IMPG1: variants seen among roughly 807,000 people sequenced by gnomAD.
IMPG1 encodes interphotoreceptor matrix proteoglycan of 150 kDa.
A neutral mutation model predicts 92.0 loss-of-function variants in IMPG1; 85 were observed. That is an observed-to-expected ratio of 0.92 (90% CI 0.78 to 1.11). The LOEUF (loss-of-function observed/expected upper bound fraction) is 1.11, where lower values mean the gene tolerates loss of function less well. IMPG1 is among the 50% of genes least tolerant of loss of function. IMPG1 has a pLI of 0.00. For missense variants in IMPG1, 1,022 were observed against 956.0 expected, an observed-to-expected ratio of 1.07 and a Z score of -0.91; for synonymous variants, 367 against 334.1, an observed-to-expected ratio of 1.10 and a Z score of -1.08.
In IMPG1 at chr6:76,011,215, T is replaced by C. The variant is rs910322868; in HGVS notation, c.817A>G (p.Ile273Val). The part of the protein sequence containing the change: ...AGKSQLQMQK[I>V]FKKLPGFKKI... ...TTGAATCCTGGAAGTTTCTTAAATA[T>C]CTTTTGCATCTGCAGAGAGAAAGAA... Residue 273 changes from isoleucine to valine, a missense_variant, in exon 8 of 17, where the codon ATA becomes GTA. Physicochemically the swap from Ile to Val is conservative, Grantham distance 29. Coordinates refer to ENST00000369950, the MANE Select transcript of IMPG1 (RefSeq NM_001563.4). 5.2e-6 allele frequency: 8 copies of C among 1,541,672 alleles called. No individual in the cohort carries two copies. The highest frequency in any genetic ancestry group is 1.7e-5 in the Admixed American group (1 of 59,628).
At chr6:75,997,738 A>G (rs1223907576) in intron 12 of IMPG1, among the ~76,000 whole-genome samples, 1 of 152,194 alleles carries the variant, frequency 6.6e-6, no homozygotes, top group Admixed American at 6.5e-5. Context: ...CTGCAATTAT[A>G]TGCCAGCCAC....
intron 12 of IMPG1, among the ~76,000 whole-genome samples, chr6:75,952,254 C>T (rs771461509): frequency 6.6e-6 from 1 of 152,076 alleles, no homozygotes; most frequent in Non-Finnish European, 1.5e-5. Context: ...TCTTCAGTGG[C>T]CTTTTGGCAA....
At chr6:76,057,010 C>G (rs114544165) in intron 1 of IMPG1, among the ~76,000 whole-genome samples, 1 of 152,070 alleles carries the variant, frequency 6.6e-6, no homozygotes. Flanking sequence ...ATGGATAGAG[C>G]TAGAATCCAT....
chr6:76,062,948 A>G lies in IMPG1; in HGVS notation c.67+9474T>C, dbSNP rs57664220. 1.2e-3 allele frequency among the ~76,000 whole-genome samples: 189 copies of G among 151,664 alleles called. 1 individual carries two copies. Among genetic ancestry groups the G allele is most frequent in the African/African-American group, 4.3e-3 (179 of 41,320 alleles). On this transcript the variant is annotated intron_variant, in intron 1 of 16. Transcript: ENST00000369950. ...AAGACTTGGGGTGGCTCACGCCTGT[A>G]ATCCCAGCACTTTAGGAGGCCGAGG...
chr6:76,070,584 G>C (rs1198803900), intron 1 of IMPG1, among the ~76,000 whole-genome samples: 5 of 152,086 alleles, frequency 3.3e-5, no homozygotes, highest in East Asian at 3.8e-4. Flanking sequence ...GTTAACTAAT[G>C]AATGAATAAA....
intron 1 of IMPG1, among the ~76,000 whole-genome samples, chr6:76,053,095 C>A (rs908129276): frequency 2.0e-5 from 3 of 152,196 alleles, no homozygotes; most frequent in African/African-American, 7.2e-5. Flanking sequence ...GTTCCACTAA[C>A]CTTTTTTACT....
rs774270582 is a variant in IMPG1, at chr6:76,018,747, G to A, written c.778C>T (p.Gln260Ter). Residue 260 changes from glutamine to a stop codon, truncating the protein, a stop_gained, in exon 7 of 17, where the codon CAG becomes TAG. Transcript: ENST00000369950. LOFTEE classifies it high-confidence loss of function. ...ELADSQSPYY[Q>*]ELAGKSQLQM... ...AGTTGGGACTTTCCTGCTAGCTCCTGGTAATATGGGGACTGGGAGTCAGCG... is the reference window on the plus strand; with the variant it reads ...AGTTGGGACTTTCCTGCTAGCTCCTAGTAATATGGGGACTGGGAGTCAGCG... The A allele has an allele frequency of 6.2e-7, 1 of 1,613,150 alleles. No individual in the cohort carries two copies. The highest frequency in any genetic ancestry group is 8.5e-7 in the Non-Finnish European group (1 of 1,179,608).
chr6:75,932,548 G>T (rs1258302498), intron 14 of IMPG1, among the ~76,000 whole-genome samples: 1 of 152,138 alleles, frequency 6.6e-6, no homozygotes, highest in Non-Finnish European at 1.5e-5. Flanking sequence ...GAAAAGATTG[G>T]CTCTATGATA....
In IMPG1 at chr6:76,041,883, C is replaced by G; in HGVS notation, c.301+10G>C. 2 of 1,553,278 alleles carry G rather than the reference C, an allele frequency of 1.3e-6. No homozygotes were observed. The highest frequency in any genetic ancestry group is 1.8e-6 in the Non-Finnish European group (2 of 1,124,568). ...AACACAAGGCTAAACGGTTTCATCT[C>G]TTTCCTTACCTCTCAATCTATAATA... On this transcript the variant is annotated intron_variant, in intron 2 of 16. Transcript: ENST00000369950.
chr6:76,049,620 C>T (rs1206393272), intron 1 of IMPG1, among the ~76,000 whole-genome samples: 5 of 152,220 alleles, frequency 3.3e-5, no homozygotes, highest in African/African-American at 1.2e-4. Flanking sequence ...TAAACTAAAA[C>T]TCCACTGATC....
intron 12 of IMPG1, among the ~76,000 whole-genome samples, chr6:75,986,376 T>A (rs1782718159): frequency 6.6e-6 from 1 of 151,860 alleles, no homozygotes; most frequent in Admixed American, 6.6e-5. Flanking sequence ...GAAAAAAAAA[T>A]CCCACTATGG....
intron 13 of IMPG1, among the ~76,000 whole-genome samples, chr6:75,949,883 A>G (rs530924280): frequency 6.6e-6 from 1 of 152,330 alleles, no homozygotes; most frequent in African/African-American, 2.4e-5. Flanking sequence ...ACATTCTGCC[A>G]TCTGTGTGAT....
intron 12 of IMPG1, among the ~76,000 whole-genome samples, chr6:75,971,476 A>AT (rs1782414830): frequency 3.4e-5 from 5 of 144,948 alleles, no homozygotes; most frequent in Non-Finnish European, 1.5e-5. Context: ...AATAATAATA[A>AT]AAAAAAATCA....
intron 12 of IMPG1, among the ~76,000 whole-genome samples, chr6:75,982,361 T>A (rs1179571914): frequency 6.6e-6 from 1 of 151,908 alleles, no homozygotes; most frequent in Non-Finnish European, 1.5e-5. Context: ...GCCAGCATAG[T>A]GAAACTCTGT....
At chr6:76,017,084 C>T (rs1264133175) in intron 7 of IMPG1, among the ~76,000 whole-genome samples, 1 of 150,702 alleles carries the variant, frequency 6.6e-6, no homozygotes, top group East Asian at 2.0e-4. Flanking sequence ...CTAGACAGAG[C>T]AGACAGCACA....
chr6:75,946,725 C>T (rs1364564727), intron 14 of IMPG1, among the ~76,000 whole-genome samples: 1 of 152,182 alleles, frequency 6.6e-6, no homozygotes, highest in East Asian at 1.9e-4. Context: ...TTAATCTTCA[C>T]ATGGAAGCTG....
chr6:76,029,768 C>T (rs1010840319), intron 4 of IMPG1, among the ~76,000 whole-genome samples: 1 of 152,094 alleles, frequency 6.6e-6, no homozygotes, highest in Admixed American at 6.6e-5. Flanking sequence ...GGGAACTAAC[C>T]AAAGCCAAGC....
rs149632228 is a variant in IMPG1, at chr6:75,945,552, T to A, written c.2044+1762A>T. Among the ~76,000 whole-genome samples the A allele has an allele frequency of 8.2e-3, 1,249 of 152,264 alleles. 75 individuals are homozygous for A. The East Asian group carries it at 0.17, about 21-fold the overall frequency. Reference sequence around the variant, plus strand: ...TTTTAGTAGAGACAGGGTTTTGCCATTTTGGCCAGGCTGATTTCGAACTCC... The same window carrying A: ...TTTTAGTAGAGACAGGGTTTTGCCAATTTGGCCAGGCTGATTTCGAACTCC... On this transcript the variant is annotated intron_variant, in intron 14 of 16. Coordinates refer to ENST00000369950, the MANE Select transcript of IMPG1 (RefSeq NM_001563.4).
intron 14 of IMPG1, among the ~76,000 whole-genome samples, chr6:75,940,617 A>G (rs1163432951): frequency 6.6e-6 from 1 of 152,222 alleles, no homozygotes; most frequent in Non-Finnish European, 1.5e-5. Flanking sequence ...TTAAAAGACC[A>G]TAAGTCATAG....
Sources: gnomAD v4.1 joint callset for allele counts (sites outside exome capture counted in the v4.1 genomes callset) on GRCh38, gnomAD v4.1.1 for gene constraint, MANE v1.5 for transcripts, NCBI Gene and HGNC (gene_info 2026-07-23, HGNC 2026-07-21) for gene names.